DLD: variants seen among roughly 807,000 people sequenced by gnomAD.
The protein encoded by DLD is dihydrolipoamide dehydrogenase.
In DLD, 36 loss-of-function variants were observed where a neutral mutation model predicts 62.2. The ratio of observed to expected loss-of-function variants is 0.58; its 90% CI spans 0.44 to 0.76. The LOEUF is 0.76. Among genes scored for constraint, DLD ranks in the 30% least tolerant of loss-of-function variants. DLD has a pLI of 0.00. For missense variants in DLD, 541 were observed against 608.6 expected, an observed-to-expected ratio of 0.89 and a Z score of 1.17; for synonymous variants, 204 against 199.6, an observed-to-expected ratio of 1.02 and a Z score of -0.19.
intron 8 of DLD, among the ~76,000 whole-genome samples, chr7:107,913,800 G>A (rs1306901500): frequency 6.6e-6 from 1 of 152,082 alleles, no homozygotes; most frequent in Non-Finnish European, 1.5e-5. Flanking sequence ...GGGCATTCTT[G>A]TATTGTTCCA....
intron 7 of DLD, chr7:107,905,785 A>G (rs1320859986): frequency 2.3e-6 from 1 of 441,452 alleles, no homozygotes; most frequent in Non-Finnish European, 4.1e-6. Flanking sequence ...TTTTAATGGG[A>G]TTTGATGAAA....
chr7:107,893,037 A>G lies in DLD; in HGVS notation c.40-163A>G, dbSNP rs117608895. Among the ~76,000 whole-genome samples, 88 of 152,370 alleles carry G rather than the reference A, an allele frequency of 5.8e-4. 1 individual carries two copies. The East Asian group carries it at 0.016, about 28-fold the overall frequency. On this transcript the variant is annotated intron_variant, in intron 1 of 13. Transcript: ENST00000205402. ...AAATTTAAATGATTAGTTATTGTCA[A>G]AGAGGGGATATTGATCTGTAGCTTC...
chr7:107,909,999 C>T (rs200022309), intron 8 of DLD, among the ~76,000 whole-genome samples: 2 of 151,742 alleles, frequency 1.3e-5, no homozygotes, highest in East Asian at 1.9e-4. Flanking sequence ...ATTACAGGCA[C>T]GCACCACCAT....
chr7:107,902,399 C>T lies in DLD; in HGVS notation c.267+6C>T. 1.9e-6 allele frequency: 3 copies of T among 1,613,470 alleles called. No individual in the cohort carries two copies. Among genetic ancestry groups the T allele is most frequent in the Non-Finnish European group, 2.5e-6 (3 of 1,179,526 alleles). The stretch of plus-strand genomic sequence containing the variant: ...TTGGTTGTATTCCTTCTAAGGTGAG[C>T]ATGTGTTTTGTACAGCACAGAGATT... On this transcript the variant is annotated splice_donor_region_variant and intron_variant, in intron 4 of 13. Coordinates refer to ENST00000205402, the MANE Select transcript of DLD (RefSeq NM_000108.5).
chr7:107,891,508 C>T (rs1022732732), intron 1 of DLD: 8 of 616,782 alleles, frequency 1.3e-5, no homozygotes, highest in African/African-American at 3.7e-5. Context: ...CAGGCTGTGG[C>T]GAGTCCTTTC....
At chr7:107,905,894 T>C (rs1343081489) in intron 7 of DLD, 1 of 319,008 alleles carries the variant, frequency 3.1e-6, no homozygotes, top group Non-Finnish European at 5.9e-6. Flanking sequence ...TTCATATCCT[T>C]GGAGGATTGG....
intron 2 of DLD, 136 bp downstream of exon 2, chr7:107,893,414 T>G (rs148679422): frequency 5.9e-6 from 4 of 681,604 alleles, no homozygotes; most frequent in Middle Eastern, 5.3e-4. Flanking sequence ...TTTATTCGTT[T>G]GAATGTATAT....
At position 107,918,024 on chromosome 7, in the gene DLD, C is replaced by T. The variant is rs757220945; in HGVS notation, c.1337C>T (p.Ser446Leu). 3.3e-5 allele frequency: 53 copies of T among 1,613,880 alleles called. 1 individual carries two copies. The highest frequency in any genetic ancestry group is 3.3e-4 in the Middle Eastern group (2 of 6,082). ...DGMVKILGQK[S>L]TDRVLGAHIL... is the part of the protein sequence containing the mutation. ...ATGGTGAAGATCCTTGGGCAGAAAT[C>T]GACAGACAGAGTACTGGGAGCACAT... The change falls in exon 12 of 14, where the codon TCG (serine) becomes TTG (leucine). Residue 446 changes from serine to leucine, a missense_variant. Coordinates refer to ENST00000205402, the MANE Select transcript of DLD (RefSeq NM_000108.5).
At position 107,919,987 on chromosome 7, in the gene DLD, G is replaced by A. The variant is rs1426300969; in HGVS notation, c.*728G>A. 6.6e-6 allele frequency: 1 copy of A among 152,290 alleles called. No homozygotes were observed. The highest frequency in any genetic ancestry group is 2.4e-5 in the African/African-American group (1 of 41,424). 9.4% of individuals were successfully genotyped at this position (152,290 alleles called of 1,614,324 possible). On this transcript the variant is annotated 3_prime_UTR_variant, in exon 14 of 14. Transcript: ENST00000205402. ...TTCATTTACTGGTTATCATGAGTAC[G>A]TGTTGAGATGGTCATAGTTTTTTTT...
intron 2 of DLD, among the ~76,000 whole-genome samples, chr7:107,894,095 A>C (rs1471049922): frequency 6.6e-6 from 1 of 152,084 alleles, no homozygotes. Flanking sequence ...CTTTTTTTAT[A>C]TTTTTGAAGT....
chr7:107,895,421 G>A (rs1432849796), intron 2 of DLD, among the ~76,000 whole-genome samples: 1 of 152,196 alleles, frequency 6.6e-6, no homozygotes, highest in African/African-American at 2.4e-5. Flanking sequence ...TTGCAAAGTT[G>A]TGTGTGTTAC....
rs886133503 is a variant in DLD at position 107,917,053 on chromosome 7, T to G, written c.1046+89T>G. ...AAGTAAGATTTTTATGCTTAAAATA[T>G]GTATTGGCTTTGGGGAAGAATAGTA... On this transcript the variant is annotated intron_variant, in intron 10 of 13. Transcript: ENST00000205402. The G allele has an allele frequency of 2.9e-6, 4 of 1,364,510 alleles. No homozygotes were observed. The African/African-American group carries it at 4.3e-5, about 15-fold the overall frequency. 84.5% of individuals were successfully genotyped at this position (1,364,510 alleles called of 1,614,324 possible).
At chr7:107,912,749 G>C (rs1225472343) in intron 8 of DLD, among the ~76,000 whole-genome samples, 1 of 151,946 alleles carries the variant, frequency 6.6e-6, no homozygotes, top group Non-Finnish European at 1.5e-5. Context: ...TCCTTTCTGT[G>C]GGTTGTCTCT....
At position 107,915,407 on chromosome 7, in the gene DLD, G is replaced by C; in HGVS notation, c.685-99G>C. The stretch of plus-strand genomic sequence containing the variant: ...GAGCTTCTCATAGGAACATACTAGC[G>C]AAAGAAGAAAATGTTTTACAATAAA... On this transcript the variant is annotated intron_variant, in intron 8 of 13. Transcript: ENST00000205402. 3 of 1,347,724 alleles carry C rather than the reference G, an allele frequency of 2.2e-6. No homozygotes were observed. The South Asian group carries it at 3.7e-5, about 17-fold the overall frequency. 83.5% of individuals were successfully genotyped at this position (1,347,724 alleles called of 1,614,324 possible).
chr7:107,906,200 A>T (rs762002359), intron 7 of DLD, 67 bp from the exon 8 acceptor site: 211 of 971,194 alleles, frequency 2.2e-4, no homozygotes, highest in Non-Finnish European at 3.2e-4. Context: ...GAACCCATGG[A>T]TATGGAGGGT....
chr7:107,893,312 ATT>A (rs1194395788), intron 2 of DLD, 34 bp downstream of exon 2: 3 of 1,497,360 alleles, frequency 2.0e-6, no homozygotes, highest in Non-Finnish European at 2.8e-6. Context: ...TTTTCATCAC[ATT>A]AGCTGACAGT....
At chr7:107,901,185 AG>A (rs1327981830) in intron 2 of DLD, among the ~76,000 whole-genome samples, 1 of 152,162 alleles carries the variant, frequency 6.6e-6, no homozygotes, top group African/African-American at 2.4e-5. Flanking sequence ...GACCTGAAAA[AG>A]GTAATAGGTC....
intron 8 of DLD, among the ~76,000 whole-genome samples, chr7:107,910,801 A>G (rs1246217511): frequency 1.3e-4 from 20 of 152,158 alleles, no homozygotes; most frequent in African/African-American, 2.4e-5. Flanking sequence ...GAGTTTTCCT[A>G]TCTATAAGTA....
chr7:107,916,489 T>C (rs1202750909), intron 9 of DLD, among the ~76,000 whole-genome samples: 1 of 152,084 alleles, frequency 6.6e-6, no homozygotes, highest in African/African-American at 2.4e-5. Flanking sequence ...CCTGGCAACA[T>C]GGTGAAACCC....
Sources: gnomAD v4.1 joint callset for allele counts (sites outside exome capture counted in the v4.1 genomes callset) on GRCh38, gnomAD v4.1.1 for gene constraint, MANE v1.5 for transcripts, NCBI Gene and HGNC (gene_info 2026-07-23, HGNC 2026-07-21) for gene names.